TMEFF2: variants seen among roughly 807,000 people sequenced by gnomAD.
TMEFF2 encodes tomoregulin-2.
In TMEFF2, 28 loss-of-function variants were observed where a neutral mutation model predicts 53.8. The observed-to-expected ratio is 0.52, with a 90% CI of 0.39 to 0.71. TMEFF2 has a LOEUF of 0.71. Among genes scored for constraint, TMEFF2 ranks in the 30% least tolerant of loss-of-function variants. The pLI is 0.00. For synonymous variants in TMEFF2, 162 were observed against 166.3 expected, an observed-to-expected ratio of 0.97 and a Z score of 0.20; for missense variants, 353 against 455.2, an observed-to-expected ratio of 0.78 and a Z score of 2.04.
Position 191,949,229 on chromosome 2 carries a change from A to T in TMEFF2, c.*1082T>A, listed in dbSNP as rs115170322. The T allele has an allele frequency of 1.0e-6, 1 of 985,164 alleles. No individual in the cohort carries two copies. Among genetic ancestry groups the T allele is most frequent in the African/African-American group, 1.7e-5 (1 of 57,200 alleles). The allele number at this position is 985,164 out of a possible 1,614,324, so 61.0% of individuals were successfully genotyped here. On this transcript the variant is annotated 3_prime_UTR_variant, in exon 10 of 10. Transcript: ENST00000272771. ...ACAAATCAAACAAAAATCCATACCAACTTCCCAGTGAGGTCTTTCAGATGC... is the reference window on the plus strand; with the variant it reads ...ACAAATCAAACAAAAATCCATACCATCTTCCCAGTGAGGTCTTTCAGATGC...
intron 2 of TMEFF2, among the ~76,000 whole-genome samples, chr2:192,191,316 G>C (rs1406095565): frequency 6.6e-6 from 1 of 152,094 alleles, no homozygotes; most frequent in African/African-American, 2.4e-5. Context: ...TGGATTCCTA[G>C]GGGATTCAGT....
At chr2:192,076,130 GAATAA>G (rs1688426905) in intron 4 of TMEFF2, among the ~76,000 whole-genome samples, 1 of 151,940 alleles carries the variant, frequency 6.6e-6, no homozygotes, top group Non-Finnish European at 1.5e-5. Context: ...ATAAGAAAAA[GAATAA>G]AATTACTAAA....
chr2:192,079,504 G>C (rs182124162), intron 4 of TMEFF2, among the ~76,000 whole-genome samples: 26 of 152,292 alleles, frequency 1.7e-4, no homozygotes, highest in African/African-American at 5.3e-4. Context: ...CTGAGTGATC[G>C]TGTGGATCAA....
intron 4 of TMEFF2, among the ~76,000 whole-genome samples, chr2:192,176,501 C>A (rs538091793): frequency 2.6e-5 from 4 of 151,388 alleles, no homozygotes; most frequent in African/African-American, 9.7e-5. Flanking sequence ...TATTACTCTA[C>A]AAATTTCCTT....
chr2:192,060,491 T>C (rs1688017826), intron 4 of TMEFF2, among the ~76,000 whole-genome samples: 1 of 152,210 alleles, frequency 6.6e-6, no homozygotes, highest in Non-Finnish European at 1.5e-5. Context: ...TATACTAGTC[T>C]AGTAAGTACC....
chr2:192,049,572 A>G (rs1244825885), intron 5 of TMEFF2, among the ~76,000 whole-genome samples: 3 of 152,166 alleles, frequency 2.0e-5, no homozygotes, highest in Non-Finnish European at 4.4e-5. Context: ...CTGACTCAGA[A>G]TATGCTAGAA....
At chr2:192,095,580 A>C (rs1688884294) in intron 4 of TMEFF2, among the ~76,000 whole-genome samples, 1 of 152,204 alleles carries the variant, frequency 6.6e-6, no homozygotes, top group African/African-American at 2.4e-5. Context: ...TTTCAAACAA[A>C]AATAAAGAAA....
At chr2:192,140,660 A>C (rs1253757965) in intron 4 of TMEFF2, among the ~76,000 whole-genome samples, 1 of 152,222 alleles carries the variant, frequency 6.6e-6, no homozygotes, top group Non-Finnish European at 1.5e-5. Context: ...GCACCGTATC[A>C]ACATTTCAAG....
At chr2:192,037,633 A>AAGAG (rs1236507259) in intron 5 of TMEFF2, among the ~76,000 whole-genome samples, 1 of 27,416 alleles carries the variant, frequency 3.6e-5, no homozygotes, top group African/African-American at 5.8e-5. Context: ...AGAGGAGAGA[A>AAGAG]AGAGAGAGAA....
intron 4 of TMEFF2, among the ~76,000 whole-genome samples, chr2:192,080,786 A>C (rs1424405003): frequency 6.6e-6 from 1 of 151,980 alleles, no homozygotes; most frequent in Admixed American, 6.5e-5. Context: ...ATACATCCAA[A>C]AGCTTATTTG....
chr2:191,979,770 A>G (rs777743578), intron 7 of TMEFF2, among the ~76,000 whole-genome samples: 3 of 151,914 alleles, frequency 2.0e-5, no homozygotes, highest in Non-Finnish European at 2.9e-5. Context: ...AAAAAATTAA[A>G]CCCTCTAACT....
At chr2:191,974,948 C>T (rs533731547) in intron 7 of TMEFF2, among the ~76,000 whole-genome samples, 120 of 151,916 alleles carry the variant, frequency 7.9e-4, no homozygotes, top group Non-Finnish European at 1.4e-3. Flanking sequence ...AGCACAAAGA[C>T]TCAGGTTACA....
At chr2:191,961,769 G>A (rs1692280763) in intron 7 of TMEFF2, among the ~76,000 whole-genome samples, 1 of 152,100 alleles carries the variant, frequency 6.6e-6, no homozygotes, top group South Asian at 2.1e-4. Flanking sequence ...TATCTAGCTT[G>A]AGTTGCAATC....
intron 5 of TMEFF2, among the ~76,000 whole-genome samples, chr2:192,009,307 C>A (rs1434230717): frequency 6.6e-6 from 1 of 152,040 alleles, no homozygotes; most frequent in African/African-American, 2.4e-5. Flanking sequence ...AACAACAAAT[C>A]CTCAATTTCA....
chr2:192,179,774 T>C (rs1691141089), intron 3 of TMEFF2, 80 bp from the exon 4 acceptor site: 6 of 1,310,132 alleles, frequency 4.6e-6, no homozygotes, highest in Admixed American at 2.9e-5. Context: ...TTTATTTTCT[T>C]AGTTTAATAC....
At chr2:192,114,865 C>T (rs1300076782) in intron 4 of TMEFF2, among the ~76,000 whole-genome samples, 2 of 151,900 alleles carry the variant, frequency 1.3e-5, no homozygotes, top group African/African-American at 4.8e-5. Context: ...CTGAGGCTCT[C>T]ATGTAAAGCA....
chr2:192,075,186 G>A (rs907343862), intron 4 of TMEFF2, among the ~76,000 whole-genome samples: 1 of 149,830 alleles, frequency 6.7e-6, no homozygotes, highest in East Asian at 2.0e-4. Context: ...TCCTCTGTCC[G>A]AGGCTCTGGC....
chr2:192,075,294 T>TAA (rs1688387185), intron 4 of TMEFF2, among the ~76,000 whole-genome samples: 2 of 31,584 alleles, frequency 6.3e-5, no homozygotes, highest in Admixed American at 3.7e-4. Context: ...ATTATATATA[T>TAA]ATATATATAT....
intron 2 of TMEFF2, among the ~76,000 whole-genome samples, chr2:192,188,861 A>G (rs569562485): frequency 2.3e-4 from 34 of 149,832 alleles, no homozygotes; most frequent in Non-Finnish European, 4.3e-4. Flanking sequence ...CTATCTATCT[A>G]TCTATCTATC....
Sources: gnomAD v4.1 joint callset for allele counts (sites outside exome capture counted in the v4.1 genomes callset) on GRCh38, gnomAD v4.1.1 for gene constraint, MANE v1.5 for transcripts, NCBI Gene and HGNC (gene_info 2026-07-23, HGNC 2026-07-21) for gene names.